PROSER2: variants seen among roughly 807,000 people sequenced by gnomAD.
PROSER2 encodes the protein proline and serine rich 2.
In PROSER2, 18 loss-of-function variants were observed where a neutral mutation model predicts 14.6. The ratio of observed to expected loss-of-function variants is 1.23; its 90% CI spans 0.85 to 1.83. The LOEUF is 1.83. Among genes scored for constraint, PROSER2 ranks in the 40% most tolerant of loss-of-function variants. The probability of loss-of-function intolerance (pLI) is 0.00; values close to 1 mark genes in which losing one functional copy is unlikely to be tolerated. For synonymous variants in PROSER2, 367 were observed against 286.4 expected, an observed-to-expected ratio of 1.28 and a Z score of -2.84; for missense variants, 823 against 629.8, an observed-to-expected ratio of 1.31 and a Z score of -3.28.
chr10:11,866,500 C>T lies in PROSER2; in HGVS notation c.139-31C>T. The T allele has an allele frequency of 6.2e-7, 1 of 1,608,200 alleles. No individual in the cohort carries two copies. Among genetic ancestry groups the T allele is most frequent in the Non-Finnish European group, 8.5e-7 (1 of 1,176,342 alleles). ...CTTTAGTGAAGCCAGTGTTTGTTTT[C>T]TCTCTTCTGTTCCCAATCCCTGTAC... On this transcript the variant is annotated intron_variant, in intron 2 of 3. Transcript: ENST00000277570. This position sits in a 1 kb window ranked among gnomAD's most constrained non-coding sequence, Gnocchi z 6.0.
rs1263412124 is a variant in PROSER2 at position 11,870,148 on chromosome 10, G to A, written c.1050G>A (p.Glu350=). ...CCAACGGCTTCCCAAGTGCGCACGAGGCCCTGAAGAGCGCACCCAGCTCCT... is the reference window on the plus strand; with the variant it reads ...CCAACGGCTTCCCAAGTGCGCACGAAGCCCTGAAGAGCGCACCCAGCTCCT... ...ALANGFPSAH[E]ALKSAPSSFA... Residue 350 remains glutamate, a synonymous_variant, in exon 4 of 4, where the codon GAG becomes GAA. Transcript: ENST00000277570. 2 of 1,432,982 alleles carry A rather than the reference G, an allele frequency of 1.4e-6. No individual in the cohort carries two copies. Among genetic ancestry groups the A allele is most frequent in the Non-Finnish European group, 1.8e-6 (2 of 1,099,328 alleles). The allele number at this position is 1,432,982 out of a possible 1,614,324, so 88.8% of individuals were successfully genotyped here. A position where few individuals can be genotyped will look rare whatever the true frequency, so the allele number is the denominator to read the frequency against.
chr10:11,855,203 G>A (rs529381585), intron 2 of PROSER2, among the ~76,000 whole-genome samples: 17 of 150,546 alleles, frequency 1.1e-4, no homozygotes, highest in Admixed American at 6.6e-4. Context: ...GCCAGGTGCG[G>A]TGGCTCACGC....
In PROSER2 at chr10:11,862,410, G is replaced by T. The variant is rs556725614; in HGVS notation, c.139-4121G>T. On this transcript the variant is annotated intron_variant, in intron 2 of 3. Transcript: ENST00000277570. This position sits in a 1 kb window ranked among gnomAD's most constrained non-coding sequence, Gnocchi z 4.2. ...CTGCCAGATATCAAGACTTACTATA[G>T]AATGGGCACAGTGGCTCATGCCTAC... 6.6e-6 allele frequency among the ~76,000 whole-genome samples: 1 copy of T among 152,346 alleles called. No individual in the cohort carries two copies. Among genetic ancestry groups the T allele is most frequent in the South Asian group, 2.1e-4 (1 of 4,826 alleles).
chr10:11,842,186 C>T (rs1344878967), intron 1 of PROSER2, among the ~76,000 whole-genome samples: 1 of 147,966 alleles, frequency 6.8e-6, no homozygotes. Context: ...CGCGCCACTG[C>T]AATCCAGCCT....
At position 11,869,377 on chromosome 10, in the gene PROSER2, G is replaced by A. The variant is rs1368171886; in HGVS notation, c.392-113G>A. The stretch of plus-strand genomic sequence containing the variant: ...AGGAGTTGACTCACAGGCAGCACCG[G>A]CGAAGTTGGTGTCAGGTCCAGGTTG... On this transcript the variant is annotated intron_variant, in intron 3 of 3. Coordinates refer to ENST00000277570, the MANE Select transcript of PROSER2 (RefSeq NM_153256.4). This position sits in a 1 kb window ranked among gnomAD's most constrained non-coding sequence, Gnocchi z 4.4. The A allele has an allele frequency of 1.2e-5, 9 of 733,524 alleles. No individual in the cohort carries two copies. Among genetic ancestry groups the A allele is most frequent in the African/African-American group, 1.8e-5 (1 of 57,078 alleles). The allele number at this position is 733,524 out of a possible 1,614,324, so 45.4% of individuals were successfully genotyped here. A position where few individuals can be genotyped will look rare whatever the true frequency, so the allele number is the denominator to read the frequency against.
intron 1 of PROSER2, among the ~76,000 whole-genome samples, chr10:11,834,664 G>A (rs1417573429): frequency 1.3e-5 from 2 of 152,082 alleles, no homozygotes; most frequent in Non-Finnish European, 2.9e-5. Flanking sequence ...GAACCCAGGT[G>A]GTGGAGGTTG....
At chr10:11,852,811 C>T (rs573287557) in intron 2 of PROSER2, among the ~76,000 whole-genome samples, 124 of 151,650 alleles carry the variant, frequency 8.2e-4, no homozygotes, top group Admixed American at 3.4e-3. Context: ...CGTGAGCCAC[C>T]GCGCCAGGCC....
In PROSER2 at chr10:11,869,259, A is replaced by G; in HGVS notation, c.392-231A>G. 2 of 587,858 alleles carry G rather than the reference A, an allele frequency of 3.4e-6. No individual in the cohort carries two copies. Among genetic ancestry groups the G allele is most frequent in the Non-Finnish European group, 6.1e-6 (2 of 329,300 alleles). The allele number at this position is 587,858 out of a possible 1,614,324, so 36.4% of individuals were successfully genotyped here. ...ATGTCTCCTAGGTGTGGACTGTCTG[A>G]CTTGCAGGGCTATCGTGATTGTCCC... On this transcript the variant is annotated intron_variant, in intron 3 of 3. Coordinates refer to ENST00000277570, the MANE Select transcript of PROSER2 (RefSeq NM_153256.4). This position sits in a 1 kb window ranked among gnomAD's most constrained non-coding sequence, Gnocchi z 4.4.
At chr10:11,868,336 C>CA (rs1389082022) in intron 3 of PROSER2, among the ~76,000 whole-genome samples, 1 of 151,800 alleles carries the variant, frequency 6.6e-6, no homozygotes, top group Non-Finnish European at 1.5e-5. Context: ...AGTGCAATGG[C>CA]ACAGTCCTGG....
chr10:11,870,159 G>GCGCACCCAGCTCCTT lies in PROSER2; in HGVS notation c.1065_1079dup (p.Ser357_Pro361dup). 1 of 1,467,050 alleles carries GCGCACCCAGCTCCTT rather than the reference G, an allele frequency of 6.8e-7. No homozygotes were observed. Among genetic ancestry groups the GCGCACCCAGCTCCTT allele is most frequent in the African/African-American group, 1.5e-5 (1 of 67,600 alleles). The allele number at this position is 1,467,050 out of a possible 1,614,324, so 90.9% of individuals were successfully genotyped here. ...CCAAGTGCGCACGAGGCCCTGAAGAGCGCACCCAGCTCCTTCGCGCCCGCT... is the reference window on the plus strand; with the variant it reads ...CCAAGTGCGCACGAGGCCCTGAAGAGCGCACCCAGCTCCTTCGCACCCAGCTCCTTCGCGCCCGCT... On this transcript the variant is annotated inframe_insertion, in exon 4 of 4. Transcript: ENST00000277570.
At chr10:11,859,376 A>C (rs1834190922) in intron 2 of PROSER2, among the ~76,000 whole-genome samples, 1 of 152,148 alleles carries the variant, frequency 6.6e-6, no homozygotes, top group African/African-American at 2.4e-5. Flanking sequence ...GCAGTGAGCC[A>C]AGATCACACC....
At position 11,830,653 on chromosome 10, in the gene PROSER2, T is replaced by A. The variant is rs920278586; in HGVS notation, c.-82+7183T>A. Among the ~76,000 whole-genome samples the A allele has an allele frequency of 2.0e-5, 3 of 152,236 alleles. No homozygotes were observed. The highest frequency in any genetic ancestry group is 2.9e-5 in the Non-Finnish European group (2 of 68,050). ...TTGAGCTACTTAAAGGTGTCCTGAT[T>A]TCTCTGAGAGAGGTTGATAGCCATT... On this transcript the variant is annotated intron_variant, in intron 1 of 3. Transcript: ENST00000277570. The surrounding 1 kb of genome is among the most constrained non-coding windows in gnomAD (Gnocchi z 4.5).
At chr10:11,863,592 A>G (rs1588499049) in intron 2 of PROSER2, among the ~76,000 whole-genome samples, 1 of 152,080 alleles carries the variant, frequency 6.6e-6, no homozygotes, top group African/African-American at 2.4e-5. Context: ...TCATAGCATT[A>G]TAGAGTCAAA....
chr10:11,831,917 A>T (rs1833694451), intron 1 of PROSER2: 1 of 152,158 alleles, frequency 6.6e-6, no homozygotes, highest in South Asian at 2.1e-4. Context: ...TGCTCCTATT[A>T]ACACAGCTGA....
At chr10:11,840,578 T>C (rs1399072267) in intron 1 of PROSER2, among the ~76,000 whole-genome samples, 1 of 152,102 alleles carries the variant, frequency 6.6e-6, no homozygotes, top group Non-Finnish European at 1.5e-5. Context: ...CTTGTCATTT[T>C]TCCTTTCTCA....
rs4750127 is a variant in PROSER2 at position 11,872,163 on chromosome 10, A to G, written c.*1757A>G. The G allele has an allele frequency of 0.96, 145,537 of 152,318 alleles. 69,841 individuals are homozygous for G. Among genetic ancestry groups the G allele is most frequent in the East Asian group, 1 (5,190 of 5,190 alleles). 9.4% of individuals were successfully genotyped at this position (152,318 alleles called of 1,614,324 possible). On this transcript the variant is annotated 3_prime_UTR_variant, in exon 4 of 4. Transcript: ENST00000277570. ...AATATTCTTTATACATGAGGACTGCATCTTTTTCACTGACCCTATGATTTC... is the reference window on the plus strand; with the variant it reads ...AATATTCTTTATACATGAGGACTGCGTCTTTTTCACTGACCCTATGATTTC...
Position 11,836,851 on chromosome 10 carries a change from C to T in PROSER2, c.-82+13381C>T, listed in dbSNP as rs558510425. 1.2e-4 allele frequency among the ~76,000 whole-genome samples: 19 copies of T among 152,304 alleles called. No homozygotes were observed. The highest frequency in any genetic ancestry group is 3.6e-4 in the African/African-American group (15 of 41,566). On this transcript the variant is annotated intron_variant, in intron 1 of 3. Transcript: ENST00000277570. The surrounding 1 kb of genome is among the most constrained non-coding windows in gnomAD (Gnocchi z 4.6). Reference sequence around the variant, plus strand: ...TACACGGTTTTGCTTTCCATAGTTTCGGTTACTTGCAGTCAACCGTGGTCC... The same window carrying T: ...TACACGGTTTTGCTTTCCATAGTTTTGGTTACTTGCAGTCAACCGTGGTCC...
At chr10:11,842,414 T>C (rs910531471) in intron 1 of PROSER2, among the ~76,000 whole-genome samples, 2 of 152,088 alleles carry the variant, frequency 1.3e-5, no homozygotes, top group Admixed American at 1.3e-4. Context: ...CCTCCTCTAA[T>C]TTAGATGGTA....
In PROSER2 at chr10:11,871,502, G is replaced by C. The variant is rs1216118846; in HGVS notation, c.*1096G>C. 6.6e-6 allele frequency: 1 copy of C among 152,214 alleles called. No individual in the cohort carries two copies. Among genetic ancestry groups the C allele is most frequent in the Non-Finnish European group, 1.5e-5 (1 of 68,040 alleles). The allele number at this position is 152,214 out of a possible 1,614,324, so 9.4% of individuals were successfully genotyped here. On this transcript the variant is annotated 3_prime_UTR_variant, in exon 4 of 4. Transcript: ENST00000277570. ...TTTTAGTTCTGCATGTTCCGAGGTAGCCAGTCAACAGAAGGAAGCAAAAGA... is the reference window on the plus strand; with the variant it reads ...TTTTAGTTCTGCATGTTCCGAGGTACCCAGTCAACAGAAGGAAGCAAAAGA...
Sources: allele counts gnomAD v4.1 joint callset (sites outside exome capture counted in the v4.1 genomes callset), GRCh38; gene constraint gnomAD v4.1.1; non-coding constraint Gnocchi (gnomAD v3.1); transcripts MANE v1.5; gene names NCBI Gene and HGNC (gene_info 2026-07-23, HGNC 2026-07-21).